ACP7: variants seen among roughly 807,000 people sequenced by gnomAD.
ACP7 encodes acid phosphatase 7, tartrate resistant (putative).
In ACP7, 58 loss-of-function variants were observed where a neutral mutation model predicts 60.6. The ratio of observed to expected loss-of-function variants is 0.96; its 90% CI spans 0.77 to 1.19. ACP7 has a LOEUF of 1.19. Ranked by LOEUF, ACP7 falls within the 50% of genes most tolerant of loss-of-function variation. The pLI, the probability that ACP7 is intolerant of heterozygous loss-of-function variation, is 0.00. For synonymous variants in ACP7, 237 were observed against 232.6 expected, an observed-to-expected ratio of 1.02 and a Z score of -0.17; for missense variants, 574 against 596.2, an observed-to-expected ratio of 0.96 and a Z score of 0.39.
At chr19:39,103,441 GTTTTTTTTTTTTTT>G (rs58293250) in intron 11 of ACP7, among the ~76,000 whole-genome samples, 1 of 64,690 alleles carries the variant, frequency 1.5e-5, no homozygotes, top group Non-Finnish European at 2.7e-5. Context: ...ATCATCATGT[GTTTTTTTTTTTTTT>G]TTTTTTTTTT....
Position 39,106,976 on chromosome 19 carries a change from T to G in ACP7, c.1143T>G (p.Ala381=), listed in dbSNP as rs1355057710. The G allele has an allele frequency of 9.3e-6, 15 of 1,613,894 alleles. No homozygotes were observed. The highest frequency in any genetic ancestry group is 1.3e-5 in the Non-Finnish European group (15 of 1,180,012). Residue 381 remains alanine, a synonymous_variant, in exon 12 of 13, where the codon GCT becomes GCG. Coordinates refer to ENST00000331256, the MANE Select transcript of ACP7 (RefSeq NM_001004318.3). Reference sequence around the variant, plus strand: ...GTGAGGAGCGGCTGACGCCCTTTGCTGTCTTCCCGAGGCCCTGGAGTGCCG... The same window carrying G: ...GTGAGGAGCGGCTGACGCCCTTTGCGGTCTTCCCGAGGCCCTGGAGTGCCG... ...AGCEERLTPF[A]VFPRPWSAVR...
rs779746712 is a variant in ACP7, at chr19:39,101,565, TTC to T, written c.1113+36_1113+37del. ...GAGCAGGGGGAAGGGTGGCTTTGCCTTCTCTCTCTATTCCTATCTATGGAGGG... is the reference window on the plus strand; with the variant it reads ...GAGCAGGGGGAAGGGTGGCTTTGCCTTCTCTCTATTCCTATCTATGGAGGG... On this transcript the variant is annotated intron_variant, in intron 11 of 12. Coordinates refer to ENST00000331256, the MANE Select transcript of ACP7 (RefSeq NM_001004318.3). 29 of 1,602,468 alleles carry T rather than the reference TTC, an allele frequency of 1.8e-5. No homozygotes were observed. In the South Asian group the frequency reaches 3.1e-4, roughly 17 times the overall value.
intron 4 of ACP7, 46 bp downstream of exon 4, chr19:39,099,188 G>T: frequency 3.4e-6 from 5 of 1,472,734 alleles, no homozygotes; most frequent in Non-Finnish European, 4.4e-6. Context: ...GGGGGCGCGC[G>T]CAGGGATGGT....
At chr19:39,103,452 T>TTTTTTTTTG (rs1568483158) in intron 11 of ACP7, among the ~76,000 whole-genome samples, 3 of 147,486 alleles carry the variant, frequency 2.0e-5, no homozygotes, top group African/African-American at 7.6e-5. Context: ...TTTTTTTTTT[T>TTTTTTTTTG]TTTTTTTTTT....
intron 8 of ACP7, 43 bp downstream of exon 8, chr19:39,101,099 C>A: frequency 1.2e-6 from 2 of 1,613,944 alleles, no homozygotes; most frequent in South Asian, 2.2e-5. Flanking sequence ...TGCTGAAAGC[C>A]AGGTGGGCGT....
intron 2 of ACP7, among the ~76,000 whole-genome samples, chr19:39,086,987 T>G (rs1450923078): frequency 6.6e-6 from 1 of 152,154 alleles, no homozygotes; most frequent in Non-Finnish European, 1.5e-5. Context: ...TGGCATTGAC[T>G]TGCATCTTTT....
chr19:39,101,283 C>G lies in ACP7; in HGVS notation c.974-5C>G. ...GAGGTCTGATCCCCGCTTGCTCTAT[C>G]TCAGGAGTGGATCTGCAGCTGTGGG... On this transcript the variant is annotated splice_region_variant and splice_polypyrimidine_tract_variant and intron_variant, in intron 9 of 12. Transcript: ENST00000331256. 8.7e-6 allele frequency: 14 copies of G among 1,614,246 alleles called. No homozygotes were observed. Among genetic ancestry groups the G allele is most frequent in the Non-Finnish European group, 1.2e-5 (14 of 1,180,048 alleles).
chr19:39,088,069 T>C (rs1355632508), intron 2 of ACP7, among the ~76,000 whole-genome samples: 1 of 152,186 alleles, frequency 6.6e-6, no homozygotes, highest in African/African-American at 2.4e-5. Context: ...TCACCCACGC[T>C]GGAATGCAAT....
In ACP7 at chr19:39,100,653, G is replaced by T. The variant is rs750933348; in HGVS notation, c.692+11G>T. 3 of 1,613,722 alleles carry T rather than the reference G, an allele frequency of 1.9e-6. No individual in the cohort carries two copies. In the African/African-American group the frequency reaches 4.0e-5, roughly 22 times the overall value. The stretch of plus-strand genomic sequence containing the variant: ...GGGCCTGTGGTACAGGTAATGTGGG[G>T]GTGCTGGGGGACTGGCCCTCTCCCC... On this transcript the variant is annotated intron_variant, in intron 6 of 12. Coordinates refer to ENST00000331256, the MANE Select transcript of ACP7 (RefSeq NM_001004318.3).
intron 11 of ACP7, among the ~76,000 whole-genome samples, chr19:39,103,660 C>T (rs1047854199): frequency 2.6e-5 from 4 of 151,652 alleles, no homozygotes; most frequent in East Asian, 3.9e-4. Context: ...AACCCCATCG[C>T]TATCAAAAAA....
At chr19:39,085,532 A>ATG in intron 2 of ACP7, 142 bp downstream of exon 2, 1 of 1,183,892 alleles carries the variant, frequency 8.4e-7, no homozygotes, top group Non-Finnish European at 1.1e-6. Context: ...ACCTCTGTGG[A>ATG]ATAGGAAGTA....
Position 39,099,067 on chromosome 19 carries a change from G to T in ACP7, c.430G>T (p.Ala144Ser). The T allele has an allele frequency of 6.2e-7, 1 of 1,609,758 alleles. No individual in the cohort carries two copies. Among genetic ancestry groups the T allele is most frequent in the African/African-American group, 1.3e-5 (1 of 74,726 alleles). The stretch of plus-strand genomic sequence containing the variant: ...TCTGGCTGTGTTTGGAGACCTGGGG[G>T]CTGACAACCCGAAGGCCGTCCCCCG... ...PRLAVFGDLGADNPKAVPRLR... is the reference protein window; with the variant it reads ...PRLAVFGDLGSDNPKAVPRLR... Residue 144 changes from alanine (A) to serine (S), a missense_variant, in exon 4 of 13, where the codon GCT becomes TCT. Coordinates refer to ENST00000331256, the MANE Select transcript of ACP7 (RefSeq NM_001004318.3).
At chr19:39,103,510 GT>G (rs1185114434) in intron 11 of ACP7, among the ~76,000 whole-genome samples, 7 of 107,444 alleles carry the variant, frequency 6.5e-5, no homozygotes, top group Non-Finnish European at 1.1e-4. Context: ...GCGAGGCTTA[GT>G]TTTTTAATTT....
chr19:39,087,212 A>C (rs370266766), intron 2 of ACP7, among the ~76,000 whole-genome samples: 27 of 152,096 alleles, frequency 1.8e-4, no homozygotes, highest in East Asian at 1.5e-3. Flanking sequence ...GAATTTCACC[A>C]TGTTGCCCAG....
intron 4 of ACP7, 124 bp from the exon 5 acceptor site, chr19:39,100,103 C>T: frequency 7.5e-7 from 1 of 1,327,830 alleles, no homozygotes; most frequent in East Asian, 2.6e-5. Flanking sequence ...TCAAGTGATA[C>T]TCTTGCCTTG....
chr19:39,096,013 A>AT (rs2073261734), intron 2 of ACP7, among the ~76,000 whole-genome samples: 1 of 151,742 alleles, frequency 6.6e-6, no homozygotes, highest in South Asian at 2.1e-4. Flanking sequence ...CCATGAAACC[A>AT]TTTTTTCCTC....
chr19:39,098,827 C>T (rs1384463905), intron 3 of ACP7, 133 bp from the exon 4 acceptor site: 5 of 1,397,134 alleles, frequency 3.6e-6, no homozygotes, highest in Non-Finnish European at 4.8e-6. Flanking sequence ...CCGGGGAAGG[C>T]AGACCGAAGG....
Position 39,101,324 on chromosome 19 carries a change from A to G in ACP7, c.1010A>G (p.Tyr337Cys), listed in dbSNP as rs769852473. The G allele has an allele frequency of 7.4e-6, 12 of 1,614,068 alleles. No homozygotes were observed. Among genetic ancestry groups the G allele is most frequent in the Non-Finnish European group, 1.0e-5 (12 of 1,180,046 alleles). ...CAGCTGTGGGCTCATGAGCACTCGT[A>G]TGAACGACTGTGGCCAATTTACAAC... Reference protein sequence around the residue: ...DLQLWAHEHSYERLWPIYNYQ... With the variant: ...DLQLWAHEHSCERLWPIYNYQ... The change falls in exon 10 of 13, where the codon TAT (tyrosine) becomes TGT (cysteine). Residue 337 changes from tyrosine (Y) to cysteine (C), a missense_variant. Physicochemically the swap from Tyr to Cys is radical, Grantham distance 194. Coordinates refer to ENST00000331256, the MANE Select transcript of ACP7 (RefSeq NM_001004318.3).
chr19:39,093,268 C>T (rs1227024388), intron 2 of ACP7, among the ~76,000 whole-genome samples: 1 of 141,928 alleles, frequency 7.0e-6, no homozygotes, highest in African/African-American at 2.6e-5. Context: ...TTCTTTTTTT[C>T]GAGACGGGGT....
Sources: allele counts gnomAD v4.1 joint callset (sites outside exome capture counted in the v4.1 genomes callset), GRCh38; gene constraint gnomAD v4.1.1; transcripts MANE v1.5; gene names NCBI Gene and HGNC (gene_info 2026-07-23, HGNC 2026-07-21).